The following CHRM5 variants were observed in gnomAD, a reference collection of about 807,000 sequenced individuals.
CHRM5 encodes the protein muscarinic acetylcholine receptor M5.
CHRM5 carries 18 observed loss-of-function variants against 39.0 expected under a neutral mutation model. The ratio of observed to expected loss-of-function variants is 0.46; its 90% CI spans 0.32 to 0.68. The LOEUF (loss-of-function observed/expected upper bound fraction) is 0.68, where lower values mean the gene tolerates loss of function less well. Among genes scored for constraint, CHRM5 ranks in the 30% least tolerant of loss-of-function variants. The pLI is 0.04. For synonymous variants in CHRM5, 241 were observed against 246.3 expected (o/e 0.98, Z 0.20); for missense variants, 515 against 651.1 (o/e 0.79, Z 2.28).
At chr15:33,973,402 T>C (rs1895724790) in intron 1 of CHRM5, among the ~76,000 whole-genome samples, 1 of 152,208 alleles carries the variant, frequency 6.6e-6, no homozygotes, top group Admixed American at 6.5e-5. Flanking sequence ...ATCAACTGTA[T>C]ACCTTCCCTT....
intron 1 of CHRM5, among the ~76,000 whole-genome samples, chr15:33,999,967 T>A (rs1597332622): frequency 6.6e-6 from 1 of 152,218 alleles, no homozygotes; most frequent in Admixed American, 6.5e-5. Flanking sequence ...GGATAATGCC[T>A]TTCTGACCCC....
At chr15:34,006,332 G>C (rs1016285238) in intron 1 of CHRM5, among the ~76,000 whole-genome samples, 3 of 150,688 alleles carry the variant, frequency 2.0e-5, no homozygotes, top group African/African-American at 4.9e-5. Context: ...AAACAGCCTT[G>C]TAACTGATGA....
chr15:34,020,416 C>T (rs1477518758), intron 1 of CHRM5, among the ~76,000 whole-genome samples: 2 of 152,100 alleles, frequency 1.3e-5, no homozygotes, highest in Non-Finnish European at 2.9e-5. Context: ...AATATAAATC[C>T]AAGGAGGCAA....
At chr15:33,975,543 T>G (rs971549982) in intron 1 of CHRM5, among the ~76,000 whole-genome samples, 1 of 152,198 alleles carries the variant, frequency 6.6e-6, no homozygotes, top group Admixed American at 6.5e-5. Context: ...TCTCAAAAAA[T>G]TATTTGCAAT....
intron 1 of CHRM5, among the ~76,000 whole-genome samples, chr15:34,037,521 TTA>T (rs1899202631): frequency 6.7e-6 from 1 of 149,158 alleles, no homozygotes; most frequent in Admixed American, 6.7e-5. Flanking sequence ...TTACATACTA[TTA>T]TATTACATAA....
intron 1 of CHRM5, among the ~76,000 whole-genome samples, chr15:34,038,453 C>T (rs1296929510): frequency 6.6e-6 from 1 of 152,254 alleles, no homozygotes; most frequent in African/African-American, 2.4e-5. Flanking sequence ...CCAGCCGGCC[C>T]ACGGGCCGCC....
intron 1 of CHRM5, among the ~76,000 whole-genome samples, chr15:34,016,208 T>C (rs1897903345): frequency 1.3e-5 from 2 of 152,186 alleles, no homozygotes; most frequent in African/African-American, 2.4e-5. Context: ...CACTCCAGCC[T>C]GGGCAACAAG....
intron 2 of CHRM5, 25 bp from the exon 3 acceptor site, chr15:34,062,618 G>C (rs1435652495): frequency 9.6e-7 from 1 of 1,037,744 alleles, no homozygotes; most frequent in African/African-American, 1.6e-5. Flanking sequence ...GGTGTGCGAA[G>C]CTAATGTGTT....
At chr15:34,056,913 C>T (rs1900174490) in intron 2 of CHRM5, among the ~76,000 whole-genome samples, 1 of 152,118 alleles carries the variant, frequency 6.6e-6, no homozygotes, top group African/African-American at 2.4e-5. Flanking sequence ...GTGGCACATG[C>T]CTGTAGTCCC....
chr15:34,000,635 C>G (rs1897102465), intron 1 of CHRM5, among the ~76,000 whole-genome samples: 1 of 152,184 alleles, frequency 6.6e-6, no homozygotes, highest in African/African-American at 2.4e-5. Flanking sequence ...ACCTAGAAAA[C>G]ACTGCATACT....
At chr15:34,022,939 G>A (rs879399652) in intron 1 of CHRM5, among the ~76,000 whole-genome samples, 2 of 152,328 alleles carry the variant, frequency 1.3e-5, no homozygotes, top group Admixed American at 6.5e-5. Flanking sequence ...TGTAATCCCA[G>A]CACTTTGGGA....
Position 33,968,561 on chromosome 15 carries a change from C to T in CHRM5, c.-997C>T, listed in dbSNP as rs1028409733. 2.6e-5 allele frequency among the ~76,000 whole-genome samples: 4 copies of T among 152,054 alleles called. No individual in the cohort carries two copies. The highest frequency in any genetic ancestry group is 6.6e-5 in the Admixed American group (1 of 15,246). The stretch of plus-strand genomic sequence containing the variant: ...AGCCGTACTTCCTTCTGGATTTTTA[C>T]CTCACTATTCAAAAAACAGGGTACC... On this transcript the variant is annotated 5_prime_UTR_variant, in exon 1 of 3. Transcript: ENST00000383263.
chr15:33,997,526 G>A (rs1038308621), intron 1 of CHRM5, among the ~76,000 whole-genome samples: 6 of 151,962 alleles, frequency 3.9e-5, no homozygotes, highest in East Asian at 1.9e-4. Flanking sequence ...ACCGTCATCC[G>A]CAACCCCCTG....
intron 2 of CHRM5, among the ~76,000 whole-genome samples, chr15:34,048,220 G>C (rs1321817273): frequency 6.6e-6 from 1 of 152,242 alleles, no homozygotes; most frequent in African/African-American, 2.4e-5. Context: ...CTCCTCACTG[G>C]GTGGGATCTC....
chr15:34,008,950 G>GCACACACACA (rs1491109996), intron 1 of CHRM5, among the ~76,000 whole-genome samples: 1 of 23,504 alleles, frequency 4.3e-5, no homozygotes, highest in Non-Finnish European at 3.8e-4. Flanking sequence ...ACACGTGCGC[G>GCACACACACA]CGCGCACACA....
chr15:33,969,208 C>T (rs568733514), intron 1 of CHRM5, 58 bp downstream of exon 1: 3 of 152,062 alleles, frequency 2.0e-5, no homozygotes, highest in African/African-American at 7.2e-5. Context: ...TAAATCTGCT[C>T]GTGCTGTGAA....
intron 1 of CHRM5, among the ~76,000 whole-genome samples, chr15:33,979,319 T>C (rs1896032067): frequency 6.6e-6 from 1 of 152,076 alleles, no homozygotes; most frequent in Non-Finnish European, 1.5e-5. Flanking sequence ...CCCAAGAGTT[T>C]GAGATCAGCC....
rs144448524 is a variant in CHRM5, at chr15:34,001,570, A to G, written c.-408+32420A>G. 2.6e-3 allele frequency among the ~76,000 whole-genome samples: 395 copies of G among 152,268 alleles called. 3 individuals are homozygous for G. The highest frequency in any genetic ancestry group is 9.1e-3 in the African/African-American group (380 of 41,552). Reference sequence around the variant, plus strand: ...GAAGAAAAGTGCTTATAAACCCATAATTGGCCAAAATATAGGTACCAAGAG... The same window carrying G: ...GAAGAAAAGTGCTTATAAACCCATAGTTGGCCAAAATATAGGTACCAAGAG... On this transcript the variant is annotated intron_variant, in intron 1 of 2. Coordinates refer to ENST00000383263, the MANE Select transcript of CHRM5 (RefSeq NM_012125.4).
chr15:34,052,070 T>C (rs1056801341), intron 2 of CHRM5, among the ~76,000 whole-genome samples: 2 of 152,170 alleles, frequency 1.3e-5, no homozygotes, highest in African/African-American at 4.8e-5. Flanking sequence ...GCCAACATCT[T>C]TGATGAACAC....
Sources: gnomAD v4.1 joint callset for allele counts (sites outside exome capture counted in the v4.1 genomes callset) on GRCh38, gnomAD v4.1.1 for gene constraint, MANE v1.5 for transcripts, NCBI Gene and HGNC (gene_info 2026-07-23, HGNC 2026-07-21) for gene names.